The following STAC variants were observed in gnomAD, a reference collection of about 807,000 sequenced individuals.
The protein encoded by STAC is SH3 and cysteine-rich domain-containing protein.
STAC carries 43 observed loss-of-function variants against 48.8 expected under a neutral mutation model. The observed-to-expected ratio is 0.88, with a 90% CI of 0.69 to 1.14. The LOEUF is 1.14. STAC is among the 50% of genes most tolerant of loss of function. The probability of loss-of-function intolerance (pLI) is 0.00; values close to 1 mark genes in which losing one functional copy is unlikely to be tolerated. For missense variants in STAC, 497 were observed against 504.0 expected, an observed-to-expected ratio of 0.99 and a Z score of 0.13; for synonymous variants, 193 against 179.5, an observed-to-expected ratio of 1.07 and a Z score of -0.60.
In STAC at chr3:36,546,332, G is replaced by A. The variant is rs370735447; in HGVS notation, c.*43G>A. On this transcript the variant is annotated 3_prime_UTR_variant, in exon 11 of 11. Transcript: ENST00000273183. ...GTTTGCAGTAGGCAAGCTCTGCTGC[G>A]ATGCCTCTGCCTCATCTCACACTGC... is the stretch of plus-strand genomic sequence containing the variant. 17 of 1,524,404 alleles carry A rather than the reference G, an allele frequency of 1.1e-5. No homozygotes were observed. Among genetic ancestry groups the A allele is most frequent in the African/African-American group, 1.1e-4 (8 of 73,124 alleles). 94.4% of individuals were successfully genotyped at this position (1,524,404 alleles called of 1,614,324 possible).
chr3:36,543,415 T>TA (rs1451932953), intron 10 of STAC, among the ~76,000 whole-genome samples: 1 of 152,188 alleles, frequency 6.6e-6, no homozygotes, highest in African/African-American at 2.4e-5. Flanking sequence ...TTCTCATCCG[T>TA]AAAAAGGTCT....
intron 1 of STAC, among the ~76,000 whole-genome samples, chr3:36,422,237 C>T (rs2125645345): frequency 6.6e-6 from 1 of 152,124 alleles, no homozygotes; most frequent in Middle Eastern, 3.4e-3. Flanking sequence ...TCATGTTATT[C>T]TTGATCTTAC....
intron 10 of STAC, among the ~76,000 whole-genome samples, chr3:36,541,765 AG>A (rs1699332983): frequency 6.6e-6 from 1 of 152,182 alleles, no homozygotes; most frequent in Non-Finnish European, 1.5e-5. Context: ...AGCTGGCCAT[AG>A]CTGAGCTACA....
Position 36,486,173 on chromosome 3 carries a change from G to T in STAC, c.611G>T (p.Arg204Leu). 1 of 1,613,914 alleles carries T rather than the reference G, an allele frequency of 6.2e-7. No individual in the cohort carries two copies. The highest frequency in any genetic ancestry group is 8.5e-7 in the Non-Finnish European group (1 of 1,179,906). Residue 204 changes from arginine (R) to leucine (L), a missense_variant, in exon 5 of 11, where the codon CGC becomes CTC. Coordinates refer to ENST00000273183, the MANE Select transcript of STAC (RefSeq NM_003149.3). ...NKVDPVYETL[R>L]FGTSLAQRTK... ...GTGGACCCTGTCTACGAGACCCTCC[G>T]CTTCGGCACCTCCCTGGCCCAGAGG...
chr3:36,502,618 C>G (rs982119611), intron 6 of STAC, among the ~76,000 whole-genome samples: 1 of 152,188 alleles, frequency 6.6e-6, no homozygotes, highest in African/African-American at 2.4e-5. Context: ...TAGGCCAAAT[C>G]AAGAATTTTC....
intron 3 of STAC, 64 bp from the exon 4 acceptor site, chr3:36,484,913 C>A: frequency 7.4e-7 from 1 of 1,346,786 alleles, no homozygotes; most frequent in South Asian, 1.5e-5. Flanking sequence ...ATTTAGGGAG[C>A]TCTTGTATGG....
At chr3:36,498,811 T>C (rs1051861299) in intron 6 of STAC, among the ~76,000 whole-genome samples, 1 of 152,078 alleles carries the variant, frequency 6.6e-6, no homozygotes, top group Admixed American at 6.6e-5. Flanking sequence ...AACATACTTG[T>C]GGAGAATTTT....
chr3:36,407,772 C>A (rs923454005), intron 1 of STAC, among the ~76,000 whole-genome samples: 3 of 152,184 alleles, frequency 2.0e-5, no homozygotes, highest in South Asian at 4.1e-4. Flanking sequence ...ACCAATTTAG[C>A]AGCTTAAAGC....
At chr3:36,427,306 T>C (rs1575191351) in intron 1 of STAC, among the ~76,000 whole-genome samples, 1 of 152,166 alleles carries the variant, frequency 6.6e-6, no homozygotes, top group African/African-American at 2.4e-5. Flanking sequence ...GCATCATATA[T>C]GAATTCTTGT....
At chr3:36,381,763 T>A (rs1400310264) in intron 1 of STAC, among the ~76,000 whole-genome samples, 1 of 152,202 alleles carries the variant, frequency 6.6e-6, no homozygotes, top group East Asian at 1.9e-4. Context: ...AATCACAGCC[T>A]GAGTGGCTCT....
At position 36,480,926 on chromosome 3, in the gene STAC, G is replaced by A. The variant is rs79926540; in HGVS notation, c.389-2066G>A. Among the ~76,000 whole-genome samples the A allele has an allele frequency of 1.8e-3, 280 of 152,258 alleles. 2 individuals are homozygous for A. The East Asian group carries it at 0.045, about 24-fold the overall frequency. ...ATTGAGTTCATGGTCCAGAGGGAAA[G>A]GCAGACTAAAACAAACTTTCAAATA... On this transcript the variant is annotated intron_variant, in intron 2 of 10. Transcript: ENST00000273183.
At chr3:36,394,000 A>T (rs911725594) in intron 1 of STAC, among the ~76,000 whole-genome samples, 14 of 151,988 alleles carry the variant, frequency 9.2e-5, no homozygotes, top group African/African-American at 3.4e-4. Context: ...GATCTGAGCA[A>T]AGCCTCAGAG....
At chr3:36,521,924 T>TA (rs1016905252) in intron 8 of STAC, among the ~76,000 whole-genome samples, 1 of 151,890 alleles carries the variant, frequency 6.6e-6, no homozygotes, top group Non-Finnish European at 1.5e-5. Flanking sequence ...TGAGATCCTA[T>TA]AAAAAATTTT....
At chr3:36,487,229 G>A (rs1455388861) in intron 5 of STAC, among the ~76,000 whole-genome samples, 2 of 152,210 alleles carry the variant, frequency 1.3e-5, no homozygotes, top group African/African-American at 2.4e-5. Flanking sequence ...GGTCGGGTAG[G>A]CAAGTAGGTG....
At chr3:36,484,172 A>C (rs925205943) in intron 3 of STAC, among the ~76,000 whole-genome samples, 29 of 152,180 alleles carry the variant, frequency 1.9e-4, no homozygotes, top group African/African-American at 6.8e-4. Flanking sequence ...ACTAAGTCTT[A>C]ACAATAAAAG....
intron 2 of STAC, among the ~76,000 whole-genome samples, chr3:36,472,482 A>T (rs1372703873): frequency 6.6e-6 from 1 of 152,246 alleles, no homozygotes; most frequent in Non-Finnish European, 1.5e-5. Flanking sequence ...TCTTTTCTAT[A>T]GCATAGTGCG....
intron 10 of STAC, 45 bp downstream of exon 10, chr3:36,529,030 G>C (rs771381284): frequency 5.2e-6 from 8 of 1,530,234 alleles, no homozygotes; most frequent in Non-Finnish European, 7.0e-6. Flanking sequence ...GCCAAATAGG[G>C]TGTCATTTTA....
rs562767662 is a variant in STAC at position 36,453,395 on chromosome 3, G to C, written c.388+9755G>C. 1.2e-4 allele frequency among the ~76,000 whole-genome samples: 18 copies of C among 152,332 alleles called. No individual in the cohort carries two copies. In the East Asian group the frequency reaches 3.1e-3, roughly 26 times the overall value. On this transcript the variant is annotated intron_variant, in intron 2 of 10. Coordinates refer to ENST00000273183, the MANE Select transcript of STAC (RefSeq NM_003149.3). ...CTGCGCGCGGTGCTTGCGGGCCAGC[G>C]TGAGTTCCGGGTGGGCGTGGGCTTG...
At chr3:36,406,879 G>A (rs1232087408) in intron 1 of STAC, among the ~76,000 whole-genome samples, 1 of 152,128 alleles carries the variant, frequency 6.6e-6, no homozygotes, top group Admixed American at 6.5e-5. Context: ...ACTATTGCCT[G>A]GAAATTAAGT....
Sources: allele counts gnomAD v4.1 joint callset (sites outside exome capture counted in the v4.1 genomes callset), GRCh38; gene constraint gnomAD v4.1.1; transcripts MANE v1.5; gene names NCBI Gene and HGNC (gene_info 2026-07-23, HGNC 2026-07-21).